Variants in GRIA4 observed in about 807,000 individuals in gnomAD.
GRIA4 encodes the protein glutamate ionotropic receptor AMPA type subunit 4, also known as glutamate receptor 4.
Under a neutral mutation model 104.0 loss-of-function variants are expected in GRIA4, and 34 were observed. That is an observed-to-expected ratio of 0.33 (90% CI 0.25 to 0.44). GRIA4 has a LOEUF of 0.44. Ranked by LOEUF, GRIA4 falls within the 20% of genes least tolerant of loss-of-function variation. The probability of loss-of-function intolerance (pLI) is 1.00; values close to 1 mark genes in which losing one functional copy is unlikely to be tolerated. For synonymous variants in GRIA4, 386 were observed against 381.9 expected (o/e 1.01, Z -0.13); for missense variants, 750 against 1,096.5 (o/e 0.68, Z 4.46).
intron 6 of GRIA4, among the ~76,000 whole-genome samples, chr11:105,888,297 T>TTTTTTC (rs1946345542): frequency 7.6e-6 from 1 of 131,558 alleles, no homozygotes; most frequent in African/African-American, 2.8e-5. Flanking sequence ...TTTTTTTTTT[T>TTTTTTC]TTTTGAGACG....
At chr11:105,810,461 C>T (rs545361131) in intron 4 of GRIA4, among the ~76,000 whole-genome samples, 1 of 152,218 alleles carries the variant, frequency 6.6e-6, no homozygotes, top group Non-Finnish European at 1.5e-5. Context: ...ATGACATTTG[C>T]CATGCAAGTC....
intron 14 of GRIA4, among the ~76,000 whole-genome samples, chr11:105,946,448 T>C (rs1948315405): frequency 6.6e-6 from 1 of 152,028 alleles, no homozygotes; most frequent in African/African-American, 2.4e-5. Context: ...TAGCTGGGCA[T>C]GGTGGTGCAT....
intron 3 of GRIA4, among the ~76,000 whole-genome samples, chr11:105,629,634 A>G (rs1276267908): frequency 6.6e-6 from 1 of 152,224 alleles, no homozygotes; most frequent in African/African-American, 2.4e-5. Context: ...ACATGTTTAC[A>G]AAAAGCATAT....
chr11:105,777,614 T>C (rs1322439427), intron 4 of GRIA4, among the ~76,000 whole-genome samples: 1 of 152,160 alleles, frequency 6.6e-6, no homozygotes, highest in Non-Finnish European at 1.5e-5. Flanking sequence ...TCAAACAATA[T>C]ATCTTTTCTA....
In GRIA4 at chr11:105,613,618, C is replaced by T. The variant is rs559689961; in HGVS notation, c.247+1184C>T. On this transcript the variant is annotated intron_variant, in intron 3 of 16. Coordinates refer to ENST00000282499, the MANE Select transcript of GRIA4 (RefSeq NM_000829.4). Reference sequence around the variant, plus strand: ...AGAGTTTTTAAATTTGTCTGGAGGACATCTGTTTCATCAACTTAAATTATT... The same window carrying T: ...AGAGTTTTTAAATTTGTCTGGAGGATATCTGTTTCATCAACTTAAATTATT... The T allele has an allele frequency of 3.3e-5, 5 of 152,190 alleles. No homozygotes were observed. The East Asian group carries it at 7.7e-4, about 24-fold the overall frequency. The allele number at this position is 152,190 out of a possible 1,614,324, so 9.4% of individuals were successfully genotyped here.
At chr11:105,706,139 G>A (rs1291592230) in intron 3 of GRIA4, among the ~76,000 whole-genome samples, 1 of 152,212 alleles carries the variant, frequency 6.6e-6, no homozygotes, top group African/African-American at 2.4e-5. Context: ...AAAGCCAAGT[G>A]TAATGCATGT....
At chr11:105,680,914 C>T (rs1347778312) in intron 3 of GRIA4, among the ~76,000 whole-genome samples, 1 of 152,182 alleles carries the variant, frequency 6.6e-6, no homozygotes, top group African/African-American at 2.4e-5. Flanking sequence ...CTCCACTTTG[C>T]TCATACATTA....
At position 105,971,955 on chromosome 11, in the gene GRIA4, G is replaced by A. The variant is rs1252820830; in HGVS notation, c.2336G>A (p.Gly779Asp). The change falls in exon 15 of 17, where the codon GGC (glycine) becomes GAC (aspartate). Residue 779 changes from glycine (G) to aspartate (D), a missense_variant. Gly to Asp is a moderately conservative substitution (Grantham distance 94, BLOSUM62 -1). Around this residue, in one of 3 missense-constraint regions of GRIA4, gnomAD observed 272 missense variants for 524.5 expected, o/e 0.52. Coordinates refer to ENST00000282499, the MANE Select transcript of GRIA4 (RefSeq NM_000829.4). ...NLAVLKLSEA[G>D]VLDKLKNKWW... ...GCCGTTTTGAAACTCAGTGAGGCAG[G>A]CGTCTTAGACAAGCTGAAAAACAAA... 6.2e-7 allele frequency: 1 copy of A among 1,612,812 alleles called. No homozygotes were observed. The highest frequency in any genetic ancestry group is 8.5e-7 in the Non-Finnish European group (1 of 1,179,062).
chr11:105,848,770 GCAGGGAGTCTTCACCA>G (rs1270538676), intron 4 of GRIA4, among the ~76,000 whole-genome samples: 1 of 152,168 alleles, frequency 6.6e-6, no homozygotes, highest in Non-Finnish European at 1.5e-5. Context: ...GGTAGCAAGA[GCAGGGAGTCTTCACCA>G]CCATAAGTCG....
At chr11:105,634,622 A>G (rs1238610080) in intron 3 of GRIA4, among the ~76,000 whole-genome samples, 1 of 152,166 alleles carries the variant, frequency 6.6e-6, no homozygotes, top group East Asian at 1.9e-4. Flanking sequence ...ATACTTTACT[A>G]CTTGCCAAAG....
At chr11:105,653,422 C>T (rs1951739746) in intron 3 of GRIA4, among the ~76,000 whole-genome samples, 1 of 152,144 alleles carries the variant, frequency 6.6e-6, no homozygotes, top group African/African-American at 2.4e-5. Flanking sequence ...GGGCAGCATG[C>T]ACAGCATGGT....
intron 3 of GRIA4, among the ~76,000 whole-genome samples, chr11:105,738,542 T>C (rs1169072466): frequency 6.6e-6 from 1 of 152,160 alleles, no homozygotes; most frequent in African/African-American, 2.4e-5. Flanking sequence ...GGAAGTGTAA[T>C]ACTCATGAGA....
chr11:105,766,727 G>C (rs1459690438), intron 4 of GRIA4, among the ~76,000 whole-genome samples: 2 of 152,028 alleles, frequency 1.3e-5, no homozygotes, highest in Non-Finnish European at 2.9e-5. Context: ...CTGCCCAGTG[G>C]CTTCCTAGCT....
chr11:105,788,183 T>C (rs1356255499), intron 4 of GRIA4, among the ~76,000 whole-genome samples: 2 of 152,168 alleles, frequency 1.3e-5, no homozygotes, highest in African/African-American at 2.4e-5. Context: ...CATAAAATGT[T>C]ATGTGATTGT....
rs533470742 is a variant in GRIA4, at chr11:105,809,828, C to T, written c.488-52196C>T. On this transcript the variant is annotated intron_variant, in intron 4 of 16. Coordinates refer to ENST00000282499, the MANE Select transcript of GRIA4 (RefSeq NM_000829.4). Reference sequence around the variant, plus strand: ...AGAATGGACTAGTACAGCTACCAAACGCTAGATCTTATTTCTTCTATCTTT... The same window carrying T: ...AGAATGGACTAGTACAGCTACCAAATGCTAGATCTTATTTCTTCTATCTTT... 5.9e-5 allele frequency among the ~76,000 whole-genome samples: 9 copies of T among 152,104 alleles called. No homozygotes were observed. In the South Asian group the frequency reaches 1.0e-3, roughly 18 times the overall value.
chr11:105,890,897 G>A (rs1213190029), intron 6 of GRIA4, among the ~76,000 whole-genome samples: 1 of 152,114 alleles, frequency 6.6e-6, no homozygotes, highest in Non-Finnish European at 1.5e-5. Flanking sequence ...TCTTTTCTAT[G>A]TCCTATATGG....
chr11:105,816,448 C>T (rs1184807879), intron 4 of GRIA4, among the ~76,000 whole-genome samples: 1 of 152,074 alleles, frequency 6.6e-6, no homozygotes, highest in African/African-American at 2.4e-5. Flanking sequence ...TACCTCACCC[C>T]TCGGTCTCTT....
chr11:105,927,832 T>G (rs900085804), intron 13 of GRIA4, among the ~76,000 whole-genome samples: 8 of 152,018 alleles, frequency 5.3e-5, no homozygotes, highest in Non-Finnish European at 1.0e-4. Flanking sequence ...GAGTGACATT[T>G]TTATGAATAT....
At chr11:105,679,363 G>C (rs1191138108) in intron 3 of GRIA4, among the ~76,000 whole-genome samples, 2 of 152,056 alleles carry the variant, frequency 1.3e-5, no homozygotes, top group Non-Finnish European at 2.9e-5. Flanking sequence ...TGGGCATCTT[G>C]GCCCAGTTAA....
Sources: gnomAD v4.1 joint callset for allele counts (sites outside exome capture counted in the v4.1 genomes callset) on GRCh38, gnomAD v4.1.1 for gene constraint, gnomAD v4.1.1 regional missense constraint, MANE v1.5 for transcripts, NCBI Gene and HGNC (gene_info 2026-07-23, HGNC 2026-07-21) for gene names.